The following SLC37A1 variants were observed in gnomAD, a reference collection of about 807,000 sequenced individuals.
SLC37A1 encodes the protein glucose-6-phosphate exchanger SLC37A1.
Under a neutral mutation model 75.3 loss-of-function variants are expected in SLC37A1, and 49 were observed. That is an observed-to-expected ratio of 0.65 (90% confidence interval 0.52 to 0.83). The LOEUF (loss-of-function observed/expected upper bound fraction) is 0.83. Ranked by LOEUF, SLC37A1 falls within the 40% of genes least tolerant of loss-of-function variation. SLC37A1 has a pLI of 0.00. For missense variants in SLC37A1, 566 were observed against 695.0 expected, an observed-to-expected ratio of 0.81 and a Z score of 2.09; for synonymous variants, 268 against 292.1, an observed-to-expected ratio of 0.92 and a Z score of 0.84.
chr21:42,523,897 CTTT>C (rs11450148), intron 2 of SLC37A1, among the ~76,000 whole-genome samples: 1 of 148,674 alleles, frequency 6.7e-6, no homozygotes, highest in Non-Finnish European at 1.5e-5. Context: ...GAAATATGGC[CTTT>C]TTTTTTTTAA....
rs2055486079 is a variant in SLC37A1 at position 42,548,766 on chromosome 21, G to A, written c.768+1626G>A. ...GTCGCCCCGTGTGAAATCCTCACCAGTCCATCTGGTTGGTCTCTGTCACCC... is the reference window on the plus strand; with the variant it reads ...GTCGCCCCGTGTGAAATCCTCACCAATCCATCTGGTTGGTCTCTGTCACCC... On this transcript the variant is annotated intron_variant, in intron 9 of 19. Coordinates refer to ENST00000352133, the MANE Select transcript of SLC37A1 (RefSeq NM_001320537.2). This position sits in a 1 kb window ranked among gnomAD's most constrained non-coding sequence, Gnocchi z 5.6. 6.6e-6 allele frequency among the ~76,000 whole-genome samples: 1 copy of A among 152,162 alleles called. No individual in the cohort carries two copies. The highest frequency in any genetic ancestry group is 2.4e-5 in the African/African-American group (1 of 41,440).
At chr21:42,560,708 C>T (rs1294348046) in intron 11 of SLC37A1, among the ~76,000 whole-genome samples, 1 of 152,234 alleles carries the variant, frequency 6.6e-6, no homozygotes, top group Non-Finnish European at 1.5e-5. Context: ...AAGGGCTGTG[C>T]ATGCTGGCCT....
At chr21:42,527,041 T>TG (rs1399380059) in intron 3 of SLC37A1, among the ~76,000 whole-genome samples, 1 of 152,210 alleles carries the variant, frequency 6.6e-6, no homozygotes, top group African/African-American at 2.4e-5. Context: ...AGAGACTTGG[T>TG]GAGCGTGTTG....
intron 5 of SLC37A1, among the ~76,000 whole-genome samples, chr21:42,536,848 A>G (rs2055152400): frequency 6.6e-6 from 1 of 152,174 alleles, no homozygotes; most frequent in Admixed American, 6.5e-5. Context: ...CATGACCCAA[A>G]TGCCCTTCAA....
At chr21:42,528,772 T>C (rs889168867) in intron 3 of SLC37A1, among the ~76,000 whole-genome samples, 1 of 152,154 alleles carries the variant, frequency 6.6e-6, no homozygotes, top group Admixed American at 6.5e-5. Flanking sequence ...AAGTTTGCAG[T>C]GAGCCGAGAG....
At chr21:42,551,328 G>A (rs139277205) in intron 9 of SLC37A1, among the ~76,000 whole-genome samples, 160 of 152,294 alleles carry the variant, frequency 1.1e-3, no homozygotes, top group African/African-American at 3.4e-3. Context: ...AAAACATTAC[G>A]CGAAGCAGAA....
rs2055376614 is a variant in SLC37A1, at chr21:42,545,174, C to T, written c.730+1572C>T. On this transcript the variant is annotated intron_variant, in intron 8 of 19. Coordinates refer to ENST00000352133, the MANE Select transcript of SLC37A1 (RefSeq NM_001320537.2). This position sits in a 1 kb window ranked among gnomAD's most constrained non-coding sequence, Gnocchi z 4.0. The stretch of plus-strand genomic sequence containing the variant: ...CCCCTGTCCCTGGGTCCTCTGGCCA[C>T]AGGCCCACTCACCTACAGGAAGGCT... Among the ~76,000 whole-genome samples, 1 of 152,182 alleles carries T rather than the reference C, an allele frequency of 6.6e-6. No individual in the cohort carries two copies. Among genetic ancestry groups the T allele is most frequent in the African/African-American group, 2.4e-5 (1 of 41,454 alleles).
At chr21:42,576,225 G>C (rs1377674147) in intron 18 of SLC37A1, among the ~76,000 whole-genome samples, 1 of 151,984 alleles carries the variant, frequency 6.6e-6, no homozygotes, top group Non-Finnish European at 1.5e-5. Context: ...TGCTTGCAGT[G>C]AAAGAGTATA....
chr21:42,562,973 G>A lies in SLC37A1; in HGVS notation c.1072+805G>A, dbSNP rs187339451. 1.5e-3 allele frequency among the ~76,000 whole-genome samples: 227 copies of A among 152,298 alleles called. 3 individuals are homozygous for A. The highest frequency in any genetic ancestry group is 5.3e-3 in the African/African-American group (219 of 41,560). On this transcript the variant is annotated intron_variant, in intron 12 of 19. Coordinates refer to ENST00000352133, the MANE Select transcript of SLC37A1 (RefSeq NM_001320537.2). ...TCTGGGGATGCAGATCCCACCAGAGGAGGATGCTGGCAGCACGAGGCTGGA... is the reference window on the plus strand; with the variant it reads ...TCTGGGGATGCAGATCCCACCAGAGAAGGATGCTGGCAGCACGAGGCTGGA...
intron 2 of SLC37A1, among the ~76,000 whole-genome samples, chr21:42,503,785 G>A (rs1011186623): frequency 3.3e-5 from 5 of 152,140 alleles, no homozygotes; most frequent in African/African-American, 4.8e-5. Context: ...TACAGTTATC[G>A]GAAGAGCTAA....
intron 17 of SLC37A1, among the ~76,000 whole-genome samples, chr21:42,569,495 ACTCCCTCG>A (rs2056067807): frequency 1.1e-4 from 1 of 9,266 alleles, no homozygotes; most frequent in South Asian, 2.1e-3. Context: ...CTCGTGCCGC[ACTCCCTCG>A]TGCCGCACTC....
In SLC37A1 at chr21:42,562,097, T is replaced by C; in HGVS notation, c.1001T>C (p.Leu334Pro). The part of the protein sequence containing the change: ...LKIPGVIEFS[L>P]CLLFAKLVSY... ...TTTCAGGGCGTGATAGAGTTCTCAC[T>C]GTGTCTGCTGTTTGCCAAGCTGGTC... The change falls in exon 12 of 20, where the codon CTG (leucine) becomes CCG (proline). Residue 334 changes from leucine to proline, a missense_variant. Transcript: ENST00000352133. The C allele has an allele frequency of 1.2e-6, 2 of 1,614,246 alleles. No homozygotes were observed. Among genetic ancestry groups the C allele is most frequent in the Non-Finnish European group, 1.7e-6 (2 of 1,180,038 alleles).
At chr21:42,519,345 G>T (rs747963909) in intron 2 of SLC37A1, among the ~76,000 whole-genome samples, 1 of 152,186 alleles carries the variant, frequency 6.6e-6, no homozygotes, top group Non-Finnish European at 1.5e-5. Flanking sequence ...AGACAAGTGG[G>T]CCCTCAAGAG....
Position 42,542,443 on chromosome 21 carries a change from G to T in SLC37A1, c.526G>T (p.Val176Phe). ...GGTGCAGACCACCGGCTGGCCCAGC[G>T]TCGTCACCTGCCTCGGCAACTGGTT... is the stretch of plus-strand genomic sequence containing the variant. ...GLVQTTGWPS[V>F]VTCLGNWFGK... Residue 176 changes from valine to phenylalanine, a missense_variant, in exon 7 of 20, where the codon GTC becomes TTC. Transcript: ENST00000352133. The T allele has an allele frequency of 6.2e-7, 1 of 1,614,016 alleles. No individual in the cohort carries two copies. Among genetic ancestry groups the T allele is most frequent in the Non-Finnish European group, 8.5e-7 (1 of 1,179,952 alleles).
At chr21:42,537,090 C>G (rs1451813632) in intron 5 of SLC37A1, among the ~76,000 whole-genome samples, 1 of 152,356 alleles carries the variant, frequency 6.6e-6, no homozygotes, top group African/African-American at 2.4e-5. Context: ...CCTGGGCCCC[C>G]CTACCCCGCT....
intron 5 of SLC37A1, among the ~76,000 whole-genome samples, chr21:42,538,620 T>C (rs1281421274): frequency 6.6e-6 from 1 of 152,246 alleles, no homozygotes; most frequent in Non-Finnish European, 1.5e-5. Flanking sequence ...TCTACAGCTT[T>C]TCTGTTTACT....
At chr21:42,554,274 C>A in intron 10 of SLC37A1, 132 bp downstream of exon 10, 1 of 761,298 alleles carries the variant, frequency 1.3e-6, no homozygotes, top group Non-Finnish European at 2.1e-6. Context: ...AAAATTCTGT[C>A]TCATTGTATT....
At chr21:42,509,277 A>T (rs1032795880), upstream of SLC37A1, 2 of 152,224 alleles carry the variant, frequency 1.3e-5, no homozygotes, top group Non-Finnish European at 2.9e-5. The surrounding 1 kb of genome is among the most constrained non-coding windows in gnomAD (Gnocchi z 4.2). Flanking sequence ...TAGAGACAAC[A>T]TCTAGTTCTC....
At position 42,530,646 on chromosome 21, in the gene SLC37A1, ACACACACACC is replaced by A. The variant is rs1334967181; in HGVS notation, c.139-4050_139-4041del. On this transcript the variant is annotated intron_variant, in intron 3 of 19. Transcript: ENST00000352133. ...CACACACACACACACACACACACACACACACACACCCCCTCTGTGTTGGCTGAAGGTGGAG... is the reference window on the plus strand; with the variant it reads ...CACACACACACACACACACACACACACCCTCTGTGTTGGCTGAAGGTGGAG... Among the ~76,000 whole-genome samples, 63 of 28,514 alleles carry A rather than the reference ACACACACACC, an allele frequency of 2.2e-3. 5 individuals carry two copies. The highest frequency in any genetic ancestry group is 5.3e-3 in the African/African-American group (26 of 4,940). The allele number at this position is 28,514 out of a possible 152,430, so 18.7% of individuals were successfully genotyped here.
Sources: gnomAD v4.1 joint callset for allele counts (sites outside exome capture counted in the v4.1 genomes callset) on GRCh38, gnomAD v4.1.1 for gene constraint, Gnocchi (gnomAD v3.1) non-coding constraint, MANE v1.5 for transcripts, NCBI Gene and HGNC (gene_info 2026-07-23, HGNC 2026-07-21) for gene names.